Variants in TRMT11 observed in about 807,000 individuals in gnomAD.
TRMT11 encodes the protein tRNA (guanine(10)-N(2))-methyltransferase TRMT11.
TRMT11 carries 53 observed loss-of-function variants against 62.8 expected under a neutral mutation model. The observed-to-expected ratio is 0.84, with a 90% CI of 0.68 to 1.06. TRMT11 has a LOEUF of 1.06. Among genes scored for constraint, TRMT11 ranks in the 50% least tolerant of loss-of-function variants. The pLI, the probability that TRMT11 is intolerant of heterozygous loss-of-function variation, is 0.00. For missense variants in TRMT11, 556 were observed against 553.4 expected (o/e 1.00, Z -0.05); for synonymous variants, 188 against 190.3 (o/e 0.99, Z 0.10).
At chr6:126,220,280 G>A in the TRMT11 span, among the ~76,000 whole-genome samples, 1 of 152,162 alleles carries the variant, frequency 6.6e-6, no homozygotes, top group South Asian at 2.1e-4. Flanking sequence ...CAAAAAATTG[G>A]TCTACTGCAT....
downstream of TRMT11, among the ~76,000 whole-genome samples, chr6:126,205,881 C>A (rs977378438): frequency 2.0e-5 from 3 of 147,210 alleles, no homozygotes; most frequent in Non-Finnish European, 4.5e-5. Context: ...TCAAATATGC[C>A]TGCACATGTG....
Position 126,080,923 on chromosome 6 carries a change from G to A in TRMT11, c.*1437+27733G>A, listed in dbSNP as rs567387146. ...TGACCCCTAGGTTTAGAGCCATTAT[G>A]GTAAGAAGGATAAAGTGGAAGCCTC... On this transcript the variant is annotated intron_variant and NMD_transcript_variant, in intron 17 of 22. Transcript: ENST00000648977. 4.3e-4 allele frequency among the ~76,000 whole-genome samples: 65 copies of A among 152,238 alleles called. 1 individual carries two copies. Among genetic ancestry groups the A allele is most frequent in the South Asian group, 2.7e-3 (13 of 4,826 alleles).
intron 21 of TRMT11, among the ~76,000 whole-genome samples, chr6:126,122,755 G>A (rs1356838580): frequency 6.6e-6 from 1 of 151,938 alleles, no homozygotes; most frequent in Non-Finnish European, 1.5e-5. Context: ...TATATCTTTG[G>A]GTTTTAATTA....
the TRMT11 span, among the ~76,000 whole-genome samples, chr6:126,256,819 C>T: frequency 1.3e-5 from 2 of 152,124 alleles, no homozygotes; most frequent in Non-Finnish European, 2.9e-5. Context: ...TCTGAGTCAT[C>T]CTTCCTTCCT....
At chr6:125,997,993 A>G (rs1791848357) in intron 3 of TRMT11, 60 bp from the exon 4 acceptor site, 6 of 1,153,372 alleles carry the variant, frequency 5.2e-6, no homozygotes, top group Non-Finnish European at 6.6e-6. Flanking sequence ...AAATGACTGT[A>G]TGTATTCCTG....
At chr6:126,150,391 A>G (rs1214557000) in intron 21 of TRMT11, among the ~76,000 whole-genome samples, 3 of 152,200 alleles carry the variant, frequency 2.0e-5, no homozygotes, top group Non-Finnish European at 2.9e-5. Context: ...TGTTATAAAC[A>G]ATAGAAAATG....
chr6:126,264,724 A>T, the TRMT11 span, among the ~76,000 whole-genome samples: 1 of 152,170 alleles, frequency 6.6e-6, no homozygotes, highest in Non-Finnish European at 1.5e-5. Flanking sequence ...AGCAGACTGC[A>T]TTTGGACTTT....
the TRMT11 span, among the ~76,000 whole-genome samples, chr6:126,231,277 A>G: frequency 6.6e-6 from 1 of 152,212 alleles, no homozygotes; most frequent in Non-Finnish European, 1.5e-5. Context: ...CCCTTGAACA[A>G]TATGCATTTA....
intron 17 of TRMT11, among the ~76,000 whole-genome samples, chr6:126,065,314 T>A (rs890171596): frequency 1.4e-4 from 22 of 152,076 alleles, no homozygotes; most frequent in African/African-American, 4.8e-4. Flanking sequence ...CCTGCCACGA[T>A]GACGAGGCAG....
chr6:126,188,496 T>C (rs918019799), intron 1 of TRMT11, among the ~76,000 whole-genome samples: 11 of 152,114 alleles, frequency 7.2e-5, no homozygotes, highest in African/African-American at 9.6e-5. Flanking sequence ...TTAGTAAGGT[T>C]ATGGAGCAAC....
intron 1 of TRMT11, among the ~76,000 whole-genome samples, chr6:126,196,727 A>C (rs1157354940): frequency 1.3e-5 from 2 of 152,146 alleles, no homozygotes; most frequent in African/African-American, 2.4e-5. Flanking sequence ...TAATGGAAGT[A>C]CAAGTTCAAG....
intron 16 of TRMT11, among the ~76,000 whole-genome samples, chr6:126,047,482 A>C (rs1235381672): frequency 6.6e-6 from 1 of 151,952 alleles, no homozygotes; most frequent in Non-Finnish European, 1.5e-5. Flanking sequence ...CATCCCGCTG[A>C]GAGCCACCTC....
At chr6:126,182,701 C>T (rs1778481036) in intron 1 of TRMT11, among the ~76,000 whole-genome samples, 1 of 151,992 alleles carries the variant, frequency 6.6e-6, no homozygotes, top group Admixed American at 6.6e-5. Flanking sequence ...CATTCCTGTG[C>T]AGGTAGGCAG....
At chr6:126,245,793 T>C in the TRMT11 span, among the ~76,000 whole-genome samples, 1 of 152,162 alleles carries the variant, frequency 6.6e-6, no homozygotes, top group Admixed American at 6.5e-5. Context: ...TTGAATATAC[T>C]GTATTACCAA....
At chr6:126,126,743 C>T (rs1230920358) in intron 21 of TRMT11, among the ~76,000 whole-genome samples, 7 of 152,136 alleles carry the variant, frequency 4.6e-5, no homozygotes, top group Non-Finnish European at 1.0e-4. Context: ...TCTGCAGGCT[C>T]TTGCCTGGTC....
At chr6:126,026,326 G>A (rs768886962) in intron 12 of TRMT11, among the ~76,000 whole-genome samples, 1 of 151,998 alleles carries the variant, frequency 6.6e-6, no homozygotes, top group African/African-American at 2.4e-5. Context: ...CCTCTCTACC[G>A]AAGCATATTT....
chr6:126,003,644 A>AT (rs1352875594), intron 7 of TRMT11, among the ~76,000 whole-genome samples: 1 of 151,874 alleles, frequency 6.6e-6, no homozygotes, highest in Non-Finnish European at 1.5e-5. Context: ...AAGTATCACA[A>AT]TTTTTTATAT....
At chr6:126,042,521 T>G (rs562067035), downstream of TRMT11, among the ~76,000 whole-genome samples, 3 of 152,296 alleles carry the variant, frequency 2.0e-5, no homozygotes, top group South Asian at 6.2e-4. Flanking sequence ...CCCTATTTCT[T>G]GTGATATTAA....
At chr6:126,267,326 ACT>A in the TRMT11 span, among the ~76,000 whole-genome samples, 3 of 152,126 alleles carry the variant, frequency 2.0e-5, no homozygotes, top group Non-Finnish European at 2.9e-5. Flanking sequence ...ACATTGCAGG[ACT>A]CTGTAAGTAT....
Sources: allele counts gnomAD v4.1 joint callset (sites outside exome capture counted in the v4.1 genomes callset), GRCh38; gene constraint gnomAD v4.1.1; transcripts MANE v1.5; gene names NCBI Gene and HGNC (gene_info 2026-07-23, HGNC 2026-07-21).